Variants in USH2A observed in about 807,000 individuals in gnomAD.
The protein encoded by USH2A is usherin.
Under a neutral mutation model 538.9 loss-of-function variants are expected in USH2A, and 443 were observed. That is an observed-to-expected ratio of 0.82 (90% confidence interval 0.76 to 0.89). USH2A has a LOEUF of 0.89. Ranked by LOEUF, USH2A falls within the 40% of genes least tolerant of loss-of-function variation. The pLI is 0.00. For missense variants in USH2A, 6,633 were observed against 6,324.8 expected, an observed-to-expected ratio of 1.05 and a Z score of -1.65; for synonymous variants, 2,413 against 2,273.5, an observed-to-expected ratio of 1.06 and a Z score of -1.75.
chr1:216,190,263 A>T lies in USH2A; in HGVS notation c.4356T>A (p.Cys1452Ter). ...FTITLCNSVG[C>*]VTSASGAGQT... ...GTCCTGCTCCCGAAGCACTGGTCAC[A>T]CAACCAACTGAATTGCAGAGAGTAA... Residue 1452 changes from cysteine (C) to a stop codon, truncating the protein, a stop_gained, in exon 20 of 72, where the codon TGT becomes TGA. Coordinates refer to ENST00000307340, the MANE Select transcript of USH2A (RefSeq NM_206933.4). LOFTEE classifies it high-confidence loss of function. 1 of 1,612,626 alleles carries T rather than the reference A, an allele frequency of 6.2e-7. No individual in the cohort carries two copies.
intron 11 of USH2A, among the ~76,000 whole-genome samples, chr1:216,276,022 T>A (rs557273150): frequency 2.0e-5 from 3 of 152,234 alleles, no homozygotes; most frequent in African/African-American, 7.2e-5. Flanking sequence ...AGGAACCCTA[T>A]GTCTCTAACC....
intron 55 of USH2A, 61 bp from the exon 56 acceptor site, chr1:215,766,849 T>A (rs1424590529): frequency 1.4e-6 from 2 of 1,431,458 alleles, no homozygotes; most frequent in African/African-American, 1.4e-5. Context: ...ATCAATTAAG[T>A]ACCAGAAGTA....
At chr1:216,132,478 G>A (rs1375410380) in intron 21 of USH2A, among the ~76,000 whole-genome samples, 1 of 152,004 alleles carries the variant, frequency 6.6e-6, no homozygotes, top group Admixed American at 6.6e-5. Flanking sequence ...CTCCTGCAGA[G>A]CCAGCCCTAG....
At chr1:215,833,508 A>T (rs1458770461) in intron 47 of USH2A, among the ~76,000 whole-genome samples, 1 of 151,982 alleles carries the variant, frequency 6.6e-6, no homozygotes, top group Non-Finnish European at 1.5e-5. Flanking sequence ...AAAAAAATTA[A>T]CCTTGACTCA....
Position 215,639,144 on chromosome 1 carries a change from G to T in USH2A, c.15052+11C>A. 1 of 1,613,678 alleles carries T rather than the reference G, an allele frequency of 6.2e-7. No individual in the cohort carries two copies. The highest frequency in any genetic ancestry group is 8.5e-7 in the Non-Finnish European group (1 of 1,179,612). ...ATAGGTGCTACGCCAAGTATAATAT[G>T]AGTTGTTTACCAAGTCCAGTAGAGG... On this transcript the variant is annotated intron_variant, in intron 69 of 71. Coordinates refer to ENST00000307340, the MANE Select transcript of USH2A (RefSeq NM_206933.4).
chr1:216,050,611 T>TC (rs2030741201), intron 30 of USH2A, among the ~76,000 whole-genome samples: 1 of 94,716 alleles, frequency 1.1e-5, no homozygotes, highest in African/African-American at 3.6e-5. Flanking sequence ...TTTCTTTTTT[T>TC]TTTTTTTTTT....
At chr1:216,411,371 C>A (rs2039486827) in intron 3 of USH2A, among the ~76,000 whole-genome samples, 1 of 152,142 alleles carries the variant, frequency 6.6e-6, no homozygotes, top group African/African-American at 2.4e-5. Flanking sequence ...TACTGAAGCC[C>A]TAACCCTATG....
intron 44 of USH2A, among the ~76,000 whole-genome samples, chr1:215,849,987 C>T (rs59630576): frequency 0.67 from 101,223 of 151,540 alleles, 34,489 homozygotes; most frequent in African/African-American, 0.8. Flanking sequence ...ATTAATTGAT[C>T]TTTTTAAGTT....
At chr1:215,683,659 A>G (rs1658317715) in intron 61 of USH2A, among the ~76,000 whole-genome samples, 1 of 152,178 alleles carries the variant, frequency 6.6e-6, no homozygotes, top group South Asian at 2.1e-4. Context: ...GTCATCACTA[A>G]AGACGATTTT....
At chr1:216,180,736 CA>C (rs900644976) in intron 20 of USH2A, among the ~76,000 whole-genome samples, 8 of 152,152 alleles carry the variant, frequency 5.3e-5, no homozygotes, top group African/African-American at 1.9e-4. Flanking sequence ...TTCTATGTTT[CA>C]GGGGTGGGTG....
intron 21 of USH2A, among the ~76,000 whole-genome samples, chr1:216,163,209 G>A (rs985219887): frequency 2.0e-5 from 3 of 151,630 alleles, no homozygotes; most frequent in Non-Finnish European, 4.4e-5. Context: ...ACTTTATCAG[G>A]GATGGAATTG....
intron 43 of USH2A, among the ~76,000 whole-genome samples, chr1:215,875,576 T>C (rs1425411541): frequency 6.6e-6 from 1 of 152,094 alleles, no homozygotes; most frequent in Non-Finnish European, 1.5e-5. Flanking sequence ...TCACTAAAAA[T>C]TCATAACTAA....
chr1:215,996,906 C>T (rs943912581), intron 34 of USH2A, among the ~76,000 whole-genome samples: 1 of 152,050 alleles, frequency 6.6e-6, no homozygotes, highest in Non-Finnish European at 1.5e-5. Flanking sequence ...GTTCAAATCC[C>T]CGTGTAGCTT....
At chr1:215,629,840 A>G (rs1656204249) in intron 70 of USH2A, among the ~76,000 whole-genome samples, 1 of 146,870 alleles carries the variant, frequency 6.8e-6, no homozygotes, top group East Asian at 2.0e-4. Context: ...CAGTGGTGCA[A>G]TCTCGGCTCA....
chr1:216,047,909 G>A (rs1396782068), intron 31 of USH2A, among the ~76,000 whole-genome samples: 11 of 152,176 alleles, frequency 7.2e-5, no homozygotes, highest in Admixed American at 2.0e-4. Flanking sequence ...TCACTTTGGC[G>A]TGCTAAAATA....
chr1:215,875,046 G>C (rs1441243269), intron 43 of USH2A, among the ~76,000 whole-genome samples: 2 of 152,174 alleles, frequency 1.3e-5, no homozygotes, highest in Non-Finnish European at 2.9e-5. Flanking sequence ...GGAACAAGGA[G>C]CCCCGGATGT....
At chr1:216,107,994 G>T (rs2032779351) in intron 21 of USH2A, among the ~76,000 whole-genome samples, 1 of 151,740 alleles carries the variant, frequency 6.6e-6, no homozygotes, top group South Asian at 2.1e-4. Context: ...TGCAGAATAT[G>T]TTTAAAATTT....
chr1:215,877,856 G>T lies in USH2A; in HGVS notation c.8583C>A (p.Ile2861=), dbSNP rs754711382. 1.9e-6 allele frequency: 3 copies of T among 1,613,630 alleles called. No individual in the cohort carries two copies. Among genetic ancestry groups the T allele is most frequent in the African/African-American group, 2.7e-5 (2 of 74,902 alleles). ...GGGGATTTGATGCAAGTGGCTGCTGGATTTTACGTCTCAGAAGCTCATATC... is the reference window on the plus strand; with the variant it reads ...GGGGATTTGATGCAAGTGGCTGCTGTATTTTACGTCTCAGAAGCTCATATC... ...NLRYELLRRK[I]QQPLASNPPE... is the part of the protein sequence containing the mutation. The change falls in exon 43 of 72, where the codon ATC becomes ATA. Residue 2861 remains isoleucine, a synonymous_variant. Transcript: ENST00000307340.
chr1:216,246,978 T>C lies in USH2A; in HGVS notation c.2416A>G (p.Thr806Ala), dbSNP rs1057519163. The C allele has an allele frequency of 1.2e-6, 2 of 1,614,064 alleles. No homozygotes were observed. Among genetic ancestry groups the C allele is most frequent in the Non-Finnish European group, 1.7e-6 (2 of 1,179,982 alleles). Residue 806 changes from threonine to alanine, a missense_variant, in exon 13 of 72, where the codon ACT (threonine) becomes GCT (alanine). Transcript: ENST00000307340. ...TGCCCTGTCTTAGCATTACAGACAG[T>C]CCCAGGGAGGGATCCAGCTGTGTCA... ...DCDTAGSLPG[T>A]VCNAKTGQCI...
Sources: allele counts gnomAD v4.1 joint callset (sites outside exome capture counted in the v4.1 genomes callset), GRCh38; gene constraint gnomAD v4.1.1; transcripts MANE v1.5; gene names NCBI Gene and HGNC (gene_info 2026-07-23, HGNC 2026-07-21).